Variants in TBC1D15 observed in about 807,000 individuals in gnomAD.
TBC1D15 encodes TBC1 domain family member 15.
In TBC1D15, 39 loss-of-function variants were observed where a neutral mutation model predicts 95.4. The observed-to-expected ratio is 0.41, with a 90% CI of 0.32 to 0.53. The LOEUF (loss-of-function observed/expected upper bound fraction) is 0.53, where lower values mean the gene tolerates loss of function less well. TBC1D15 is among the 20% of genes least tolerant of loss of function. The probability of loss-of-function intolerance (pLI) is 0.29; values close to 1 mark genes in which losing one functional copy is unlikely to be tolerated. For synonymous variants in TBC1D15, 258 were observed against 261.3 expected, an observed-to-expected ratio of 0.99 and a Z score of 0.12; for missense variants, 733 against 794.3, an observed-to-expected ratio of 0.92 and a Z score of 0.93.
chr12:71,881,590 T>G (rs1489203462), intron 4 of TBC1D15, among the ~76,000 whole-genome samples: 1 of 152,180 alleles, frequency 6.6e-6, no homozygotes. Flanking sequence ...GTAATCCTGC[T>G]TATGGCTTGA....
intron 5 of TBC1D15, among the ~76,000 whole-genome samples, chr12:71,889,766 G>GT (rs1896891753): frequency 6.6e-6 from 1 of 152,130 alleles, no homozygotes. Flanking sequence ...CTGATAGGTA[G>GT]TTTTTCTGAT....
At chr12:71,921,826 A>G (rs545582875) in intron 16 of TBC1D15, among the ~76,000 whole-genome samples, 2 of 152,234 alleles carry the variant, frequency 1.3e-5, no homozygotes, top group Non-Finnish European at 1.5e-5. Flanking sequence ...AATTAAATCA[A>G]TATTATTTAG....
At position 71,913,899 on chromosome 12, in the gene TBC1D15, G is replaced by A; in HGVS notation, c.1374G>A (p.Trp458Ter). The change falls in exon 12 of 17, where the codon TGG becomes TGA. Residue 458 changes from tryptophan to a stop codon, truncating the protein, a stop_gained. Transcript: ENST00000485960. LOFTEE classifies it high-confidence loss of function. ...YVMENEVDAFWCFASYMDQMH... is the reference protein window; with the variant it reads ...YVMENEVDAF ...TGGAAAATGAAGTGGATGCCTTTTGGTGCTTTGCCTCTTACATGGACCAAA... is the reference window on the plus strand; with the variant it reads ...TGGAAAATGAAGTGGATGCCTTTTGATGCTTTGCCTCTTACATGGACCAAA... 1 of 1,594,898 alleles carries A rather than the reference G, an allele frequency of 6.3e-7. No individual in the cohort carries two copies.
At chr12:71,894,275 CAG>C in intron 6 of TBC1D15, 1 of 1,506,660 alleles carries the variant, frequency 6.6e-7, no homozygotes, top group Non-Finnish European at 9.1e-7. Flanking sequence ...TATTTTGTGT[CAG>C]AATAGCATGG....
intron 3 of TBC1D15, among the ~76,000 whole-genome samples, chr12:71,878,017 G>C (rs1360318314): frequency 6.6e-6 from 1 of 152,190 alleles, no homozygotes; most frequent in Non-Finnish European, 1.5e-5. Context: ...GGGGTGCATG[G>C]CTAAGCTGTT....
intron 11 of TBC1D15, among the ~76,000 whole-genome samples, chr12:71,912,400 G>A (rs1414371769): frequency 6.6e-6 from 1 of 152,096 alleles, no homozygotes; most frequent in Non-Finnish European, 1.5e-5. Context: ...CCCACAGGGT[G>A]CAGTGTAGAC....
At chr12:71,921,506 G>C in intron 16 of TBC1D15, 52 bp downstream of exon 16, 2 of 1,102,094 alleles carry the variant, frequency 1.8e-6, no homozygotes, top group Non-Finnish European at 2.5e-6. Flanking sequence ...GGTGGGTTGA[G>C]ATCAAGAAAG....
chr12:71,873,106 A>G, intron 3 of TBC1D15, 103 bp downstream of exon 3: 2 of 760,076 alleles, frequency 2.6e-6, no homozygotes, highest in South Asian at 2.0e-5. Flanking sequence ...TTTAAAGCAT[A>G]CAATTCAGTG....
chr12:71,885,693 G>A (rs1196919871), intron 5 of TBC1D15, among the ~76,000 whole-genome samples: 2 of 152,162 alleles, frequency 1.3e-5, no homozygotes, highest in East Asian at 3.9e-4. Context: ...AGAAGTGTAA[G>A]CCGCTTTGGG....
chr12:71,840,135 ACT>A (rs1884558415), intron 1 of TBC1D15, among the ~76,000 whole-genome samples: 1 of 151,318 alleles, frequency 6.6e-6, no homozygotes, highest in Non-Finnish European at 1.5e-5. Context: ...CTGTTTCTTG[ACT>A]CTAGTTCTTT....
At chr12:71,864,790 C>T (rs1472976406) in intron 1 of TBC1D15, among the ~76,000 whole-genome samples, 1 of 152,210 alleles carries the variant, frequency 6.6e-6, no homozygotes, top group East Asian at 1.9e-4. Context: ...CAGGCGTGAG[C>T]CACCGTGCCC....
Position 71,872,108 on chromosome 12 carries a change from T to A in TBC1D15, c.69T>A (p.Ser23=). The A allele has an allele frequency of 1.3e-6, 2 of 1,574,906 alleles. No homozygotes were observed. The highest frequency in any genetic ancestry group is 1.7e-6 in the Non-Finnish European group (2 of 1,163,170). ...YEQEGVYIHS[S]CGKTNDQDGL... Reference sequence around the variant, plus strand: ...AAGAAGGAGTATATATTCACTCATCTTGTGGAAAGACCAATGACCAAGACG... The same window carrying A: ...AAGAAGGAGTATATATTCACTCATCATGTGGAAAGACCAATGACCAAGACG... The change falls in exon 2 of 17, where the codon TCT becomes TCA. Residue 23 remains serine, a synonymous_variant. Coordinates refer to ENST00000485960, the MANE Select transcript of TBC1D15 (RefSeq NM_001146213.3).
rs572053083 is a variant in TBC1D15, at chr12:71,877,535, C to CCTT, written c.205-2932_205-2930dup. Among the ~76,000 whole-genome samples, 53 of 140,618 alleles carry CCTT rather than the reference C, an allele frequency of 3.8e-4. 1 individual carries two copies. The South Asian group carries it at 0.012, about 32-fold the overall frequency. 92.3% of individuals were successfully genotyped at this position (140,618 alleles called of 152,430 possible). On this transcript the variant is annotated intron_variant, in intron 3 of 16. Transcript: ENST00000485960. ...TCCTTCCTTCCTTCCTTCCTTCCTT[C>CCTT]CTTCCTTCCTTCCTTCCTTCCTTCC... is the stretch of plus-strand genomic sequence containing the variant.
chr12:71,861,240 G>A (rs1592713234), intron 1 of TBC1D15, among the ~76,000 whole-genome samples: 1 of 152,142 alleles, frequency 6.6e-6, no homozygotes, highest in East Asian at 1.9e-4. Context: ...TGGAAAAATT[G>A]TTTCCTCTTC....
chr12:71,848,611 A>G (rs1886931925), intron 1 of TBC1D15, among the ~76,000 whole-genome samples: 1 of 152,058 alleles, frequency 6.6e-6, no homozygotes, highest in South Asian at 2.1e-4. Flanking sequence ...TCCTTTTAAT[A>G]CAAGTTCATT....
intron 1 of TBC1D15, among the ~76,000 whole-genome samples, chr12:71,864,799 C>T (rs1891137378): frequency 6.6e-6 from 1 of 152,108 alleles, no homozygotes; most frequent in African/African-American, 2.4e-5. Context: ...GCCACCGTGC[C>T]CGGCCTACCT....
intron 9 of TBC1D15, 57 bp from the exon 10 acceptor site, chr12:71,897,790 A>G (rs1898513734): frequency 1.6e-6 from 2 of 1,280,272 alleles, no homozygotes; most frequent in South Asian, 2.4e-5. Flanking sequence ...CCAATTAAAC[A>G]GTGTTAAAAA....
At chr12:71,877,575 TTC>T (rs1374415668) in intron 3 of TBC1D15, among the ~76,000 whole-genome samples, 3 of 150,064 alleles carry the variant, frequency 2.0e-5, no homozygotes, top group Non-Finnish European at 4.5e-5. Context: ...TTCTTTTTCT[TTC>T]TTTCGTATTT....
intron 1 of TBC1D15, among the ~76,000 whole-genome samples, chr12:71,869,233 C>A (rs753919974): frequency 1.6e-4 from 25 of 151,940 alleles, no homozygotes; most frequent in Non-Finnish European, 3.2e-4. Flanking sequence ...ATTAAAAAAA[C>A]AACTCAGGGC....
Sources: gnomAD v4.1 joint callset for allele counts (sites outside exome capture counted in the v4.1 genomes callset) on GRCh38, gnomAD v4.1.1 for gene constraint, MANE v1.5 for transcripts, NCBI Gene and HGNC (gene_info 2026-07-23, HGNC 2026-07-21) for gene names.